The following RALGAPA1 variants were observed in gnomAD, a reference collection of about 807,000 sequenced individuals.
RALGAPA1 encodes Ral GTPase activating protein catalytic subunit alpha 1, also known as ral GTPase-activating protein subunit alpha-1.
A neutral mutation model predicts 269.6 loss-of-function variants in RALGAPA1; 52 were observed. That is an observed-to-expected ratio of 0.19 (90% confidence interval 0.15 to 0.24). The LOEUF is 0.24. Ranked by LOEUF, RALGAPA1 falls within the 10% of genes least tolerant of loss-of-function variation. The pLI is 1.00. For missense variants in RALGAPA1, 1,917 were observed against 3,013.9 expected (o/e 0.64, Z 8.52); for synonymous variants, 817 against 1,008.3 (o/e 0.81, Z 3.60).
chr14:35,804,146 C>T lies in RALGAPA1; in HGVS notation c.106+4584G>A, dbSNP rs529534440. Among the ~76,000 whole-genome samples, 11 of 151,916 alleles carry T rather than the reference C, an allele frequency of 7.2e-5. No homozygotes were observed. The East Asian group carries it at 7.8e-4, about 11-fold the overall frequency. Reference sequence around the variant, plus strand: ...GCATGGTGACACCCACCTGTAATCCCAGCTACTTGGGAGGCTGAGGCAGGA... The same window carrying T: ...GCATGGTGACACCCACCTGTAATCCTAGCTACTTGGGAGGCTGAGGCAGGA... On this transcript the variant is annotated intron_variant, in intron 1 of 41. Transcript: ENST00000680220.
At chr14:35,626,136 G>A (rs188681682) in intron 34 of RALGAPA1, among the ~76,000 whole-genome samples, 1 of 152,228 alleles carries the variant, frequency 6.6e-6, no homozygotes, top group African/African-American at 2.4e-5. Flanking sequence ...ATAAGGCAGA[G>A]GATATTCTCT....
rs143572535 is a variant in RALGAPA1 at position 35,684,960 on chromosome 14, G to A, written c.4263C>T (p.Ser1421=). ...ATTTTCGGCCATCATATTGGAAAGC[G>A]CTGAAAGAATCCGAATGACTATCTG... ...ISSDSHSDSF[S]AFQYDGRKFD... Residue 1421 remains serine (S), a synonymous_variant, in exon 20 of 42, where the codon AGC becomes AGT. Transcript: ENST00000680220. 3.2e-5 allele frequency: 52 copies of A among 1,613,222 alleles called. No homozygotes were observed. Among genetic ancestry groups the A allele is most frequent in the Middle Eastern group, 1.6e-4 (1 of 6,076 alleles).
In RALGAPA1 at chr14:35,762,660, T is replaced by G. The variant is rs374759390; in HGVS notation, c.369+50A>C. ...AGGAAAAGTGTTAACAGGTGGGATG[T>G]ATGTTCTACTCAGTATTTTTAAAGT... On this transcript the variant is annotated intron_variant, in intron 5 of 41. Transcript: ENST00000680220. 17 of 1,007,642 alleles carry G rather than the reference T, an allele frequency of 1.7e-5. No homozygotes were observed. The African/African-American group carries it at 2.5e-4, about 15-fold the overall frequency. 62.4% of individuals were successfully genotyped at this position (1,007,642 alleles called of 1,614,324 possible). A position where few individuals can be genotyped will look rare whatever the true frequency, so the allele number is the denominator to read the frequency against.
chr14:35,736,746 G>A (rs2071029746), intron 12 of RALGAPA1, among the ~76,000 whole-genome samples: 2 of 152,148 alleles, frequency 1.3e-5, no homozygotes, highest in Admixed American at 1.3e-4. Flanking sequence ...TTTAAAAAGT[G>A]AATGATTGGC....
At chr14:35,632,182 T>C (rs1594896686) in intron 33 of RALGAPA1, among the ~76,000 whole-genome samples, 2 of 152,326 alleles carry the variant, frequency 1.3e-5, no homozygotes, top group African/African-American at 4.8e-5. Flanking sequence ...ATACTTATTT[T>C]TGAGCTATAA....
chr14:35,550,401 C>A (rs896638837), intron 39 of RALGAPA1, among the ~76,000 whole-genome samples: 9 of 151,976 alleles, frequency 5.9e-5, no homozygotes, highest in Admixed American at 5.9e-4. Flanking sequence ...CTGAATTTTT[C>A]CCCAAAGTCC....
intron 31 of RALGAPA1, among the ~76,000 whole-genome samples, chr14:35,641,701 C>T (rs1440498527): frequency 6.6e-6 from 1 of 152,132 alleles, no homozygotes; most frequent in Non-Finnish European, 1.5e-5. Context: ...TCAATGCAAT[C>T]CCTATCAAAA....
rs201048519 is a variant in RALGAPA1, at chr14:35,572,561, T to C, written c.7367A>G (p.Glu2456Gly). The C allele has an allele frequency of 3.2e-5, 51 of 1,598,234 alleles. No homozygotes were observed. Among genetic ancestry groups the C allele is most frequent in the Non-Finnish European group, 3.9e-5 (46 of 1,173,692 alleles). The change falls in exon 38 of 42, where the codon GAG becomes GGG. Residue 2456 changes from glutamate (E) to glycine (G), a missense_variant and splice_region_variant. Physicochemically the swap from Glu to Gly is moderately conservative, Grantham distance 98. Transcript: ENST00000680220. ...MFSIQIMKKPEVPFFGPLFDG... is the reference protein window; with the variant it reads ...MFSIQIMKKPGVPFFGPLFDG... ...AAATGGAAGATAAGGAGTTCTTACC[T>C]CTGGTTTTTTCATTATCTGAATACT...
chr14:35,605,663 CT>C lies in RALGAPA1; in HGVS notation c.6975del (p.Glu2326LysfsTer20). 6.2e-7 allele frequency: 1 copy of C among 1,611,446 alleles called. No individual in the cohort carries two copies. Among genetic ancestry groups the C allele is most frequent in the Non-Finnish European group, 8.5e-7 (1 of 1,179,166 alleles). On this transcript the variant is annotated frameshift_variant, in exon 36 of 42. Coordinates refer to ENST00000680220, the MANE Select transcript of RALGAPA1 (RefSeq NM_001346249.2). LOFTEE classifies it high-confidence loss of function. The stretch of plus-strand genomic sequence containing the variant: ...TTGGTGAGAATGGAGTGTTTGTCTT[CT>C]TGTCCTTCAGCAACATAAAATACTG... ...KIAVFYVAEG[Q>X]EDKHSILTNT...
At chr14:35,715,226 T>C (rs541154527) in intron 16 of RALGAPA1, among the ~76,000 whole-genome samples, 3 of 152,318 alleles carry the variant, frequency 2.0e-5, no homozygotes, top group Non-Finnish European at 4.4e-5. Context: ...TACAAATTTC[T>C]TACCCTCTCC....
At chr14:35,602,785 C>T (rs1007475602) in intron 36 of RALGAPA1, among the ~76,000 whole-genome samples, 1 of 152,100 alleles carries the variant, frequency 6.6e-6, no homozygotes, top group Admixed American at 6.5e-5. Context: ...CTTTGTTGCT[C>T]ATGATTTGTG....
intron 37 of RALGAPA1, among the ~76,000 whole-genome samples, chr14:35,573,497 G>A (rs550061944): frequency 3.1e-4 from 47 of 152,158 alleles, no homozygotes; most frequent in African/African-American, 1.1e-3. Flanking sequence ...CTAGACACAC[G>A]GCAGGTGGAA....
chr14:35,619,818 T>C (rs966245194), intron 35 of RALGAPA1, among the ~76,000 whole-genome samples: 2 of 152,198 alleles, frequency 1.3e-5, no homozygotes, highest in Non-Finnish European at 2.9e-5. Flanking sequence ...AATCTCCGAA[T>C]AGACCAATAA....
intron 22 of RALGAPA1, 126 bp from the exon 23 acceptor site, chr14:35,674,835 A>G (rs1275792466): frequency 1.9e-6 from 1 of 537,046 alleles, no homozygotes; most frequent in Non-Finnish European, 3.3e-6. Flanking sequence ...GTCAACATAC[A>G]TTATTTTTTC....
intron 31 of RALGAPA1, among the ~76,000 whole-genome samples, chr14:35,636,908 G>T (rs1350912486): frequency 1.3e-5 from 2 of 152,136 alleles, no homozygotes; most frequent in Admixed American, 1.3e-4. Context: ...AAAAGCAAGG[G>T]TAGTTTGGGA....
rs1186968467 is a variant in RALGAPA1 at position 35,538,997 on chromosome 14, A to G, written c.*717T>C. On this transcript the variant is annotated 3_prime_UTR_variant, in exon 42 of 42. Transcript: ENST00000680220. ...TTTGGGAAGAAGAGTTAATACTAAA[A>G]TGATTTCAGTTGGAATTTGAGATGC... The G allele has an allele frequency of 6.9e-6, 1 of 144,744 alleles. No individual in the cohort carries two copies. Among genetic ancestry groups the G allele is most frequent in the African/African-American group, 2.6e-5 (1 of 38,666 alleles). 9.0% of individuals were successfully genotyped at this position (144,744 alleles called of 1,614,324 possible).
intron 35 of RALGAPA1, among the ~76,000 whole-genome samples, chr14:35,616,678 A>G (rs763172245): frequency 1.5e-4 from 23 of 152,316 alleles, no homozygotes; most frequent in Middle Eastern, 3.4e-3. Context: ...TTCTTTTGTA[A>G]ATCGAAAACT....
intron 16 of RALGAPA1, among the ~76,000 whole-genome samples, chr14:35,705,577 C>T (rs1171111246): frequency 6.6e-6 from 1 of 152,010 alleles, no homozygotes; most frequent in Non-Finnish European, 1.5e-5. Context: ...TGTCCATTCA[C>T]CTACTGAAGA....
At chr14:35,695,688 T>C (rs2066845181) in intron 17 of RALGAPA1, among the ~76,000 whole-genome samples, 1 of 152,166 alleles carries the variant, frequency 6.6e-6, no homozygotes, top group Non-Finnish European at 1.5e-5. Context: ...ATAAGAAACA[T>C]TTGTGGAAGT....
Sources: allele counts gnomAD v4.1 joint callset (sites outside exome capture counted in the v4.1 genomes callset), GRCh38; gene constraint gnomAD v4.1.1; transcripts MANE v1.5; gene names NCBI Gene and HGNC (gene_info 2026-07-23, HGNC 2026-07-21).